ELF1: variants seen among roughly 807,000 people sequenced by gnomAD.
ELF1 encodes the protein E74 like ETS transcription factor 1.
ELF1 carries 24 observed loss-of-function variants against 59.9 expected under a neutral mutation model. The observed-to-expected ratio is 0.40, with a 90% CI of 0.29 to 0.56. The LOEUF (loss-of-function observed/expected upper bound fraction) is 0.56, where lower values mean the gene tolerates loss of function less well. Among genes scored for constraint, ELF1 ranks in the 20% least tolerant of loss-of-function variants. The pLI is 0.44. For missense variants in ELF1, 627 were observed against 742.2 expected (o/e 0.84, Z 1.80); for synonymous variants, 248 against 266.2 (o/e 0.93, Z 0.67).
intron 1 of ELF1, among the ~76,000 whole-genome samples, chr13:41,029,570 C>T (rs1387078280): frequency 2.0e-5 from 3 of 151,916 alleles, no homozygotes; most frequent in Admixed American, 6.6e-5. Context: ...TCTGGAGAGA[C>T]GAGGTTTTGC....
chr13:41,047,627 C>G (rs533541457), intron 1 of ELF1, among the ~76,000 whole-genome samples: 4 of 152,210 alleles, frequency 2.6e-5, no homozygotes, highest in Non-Finnish European at 5.9e-5. Context: ...GCTGCCTGAT[C>G]ATTCCTCTGG....
chr13:41,019,320 G>A (rs551307428), upstream of ELF1: 4 of 985,320 alleles, frequency 4.1e-6, no homozygotes, highest in African/African-American at 5.2e-5. Context: ...GTAGATTGGG[G>A]AAGTGGTGTC....
intron 1 of ELF1, among the ~76,000 whole-genome samples, chr13:41,016,442 G>T (rs564148787): frequency 6.6e-6 from 1 of 152,110 alleles, no homozygotes; most frequent in African/African-American, 2.4e-5. Context: ...AGGAGGAGAA[G>T]ATGTGACAAA....
At chr13:41,041,730 G>A (rs2138421076) in intron 1 of ELF1, among the ~76,000 whole-genome samples, 1 of 152,232 alleles carries the variant, frequency 6.6e-6, no homozygotes, top group Middle Eastern at 3.4e-3. Context: ...CCATAGATCA[G>A]ATGCACCAGA....
rs1869551799 is a variant in ELF1, at chr13:40,933,560, T to C, written c.1725A>G (p.Glu575=). The C allele has an allele frequency of 6.2e-7, 1 of 1,614,148 alleles. No individual in the cohort carries two copies. Among genetic ancestry groups the C allele is most frequent in the Non-Finnish European group, 8.5e-7 (1 of 1,180,046 alleles). ...TCTCAGTGTTCTCTTTCAAATGATCTTCAGATTCCTTTTTCTCTACTTCCT... is the reference window on the plus strand; with the variant it reads ...TCTCAGTGTTCTCTTTCAAATGATCCTCAGATTCCTTTTTCTCTACTTCCT... The part of the protein sequence containing the change: ...LTQEVEKKES[E]DHLKENTEKT... The change falls in exon 9 of 9, where the codon GAA becomes GAG. Residue 575 remains glutamate, a synonymous_variant. Transcript: ENST00000239882.
rs139979057 is a variant in ELF1 at position 40,979,165 on chromosome 13, TTC to T, written c.72+2816_72+2817del. On this transcript the variant is annotated intron_variant, in intron 2 of 8. Transcript: ENST00000239882. ...TTTATATTTTTAGTAAGCTCAGTAA[TTC>T]TGTTTTTAATAACCCTACAGATATA... Among the ~76,000 whole-genome samples the T allele has an allele frequency of 2.7e-3, 411 of 151,978 alleles. 7 individuals carry two copies. The East Asian group carries it at 0.053, about 19-fold the overall frequency.
rs1205616938 is a variant in ELF1, at chr13:40,985,961, C to T, written c.-228-3679G>A. ...TACTTCTTCATCACACAGACATAAG[C>T]GGTCAACTTATTTGCACAGTTTTCA... is the stretch of plus-strand genomic sequence containing the variant. On this transcript the variant is annotated intron_variant, in intron 1 of 8. Coordinates refer to ENST00000239882, the MANE Select transcript of ELF1 (RefSeq NM_172373.4). Among the ~76,000 whole-genome samples, 4 of 152,022 alleles carry T rather than the reference C, an allele frequency of 2.6e-5. No individual in the cohort carries two copies. The South Asian group carries it at 8.3e-4, about 32-fold the overall frequency.
chr13:41,003,722 T>A (rs547439189), intron 1 of ELF1, among the ~76,000 whole-genome samples: 1 of 152,286 alleles, frequency 6.6e-6, no homozygotes, highest in South Asian at 2.1e-4. Flanking sequence ...TGGCTAGACA[T>A]TTTTTCCAGA....
At position 40,962,520 on chromosome 13, in the gene ELF1, T is replaced by C. The variant is rs540536619; in HGVS notation, c.73-3504A>G. 1.4e-4 allele frequency among the ~76,000 whole-genome samples: 21 copies of C among 151,238 alleles called. 1 individual carries two copies. In the South Asian group the frequency reaches 4.2e-3, roughly 30 times the overall value. ...CAACACGGTGAAACCTTGTCTTTACTAAAAAAATACAAAAAATGAGCCAGT... is the reference window on the plus strand; with the variant it reads ...CAACACGGTGAAACCTTGTCTTTACCAAAAAAATACAAAAAATGAGCCAGT... On this transcript the variant is annotated intron_variant, in intron 2 of 8. Coordinates refer to ENST00000239882, the MANE Select transcript of ELF1 (RefSeq NM_172373.4).
At chr13:40,956,317 G>A (rs1446906215) in intron 3 of ELF1, among the ~76,000 whole-genome samples, 6 of 152,022 alleles carry the variant, frequency 3.9e-5, no homozygotes, top group Non-Finnish European at 7.4e-5. Context: ...TCCACTCAGG[G>A]TTGAATGGAT....
chr13:40,986,937 C>CTTTT lies in ELF1; in HGVS notation c.-228-4659_-228-4656dup, dbSNP rs1555276215. Among the ~76,000 whole-genome samples, 306 of 126,770 alleles carry CTTTT rather than the reference C, an allele frequency of 2.4e-3. 13 individuals carry two copies. The highest frequency in any genetic ancestry group is 4.5e-3 in the Middle Eastern group (1 of 222). 83.2% of individuals were successfully genotyped at this position (126,770 alleles called of 152,430 possible). A position where few individuals can be genotyped will look rare whatever the true frequency, so the allele number is the denominator to read the frequency against. ...AATATATTTTTAGAAAATCATTGCT[C>CTTTT]TTTTTTTTTTTTTTTTTTGAGTGGG... On this transcript the variant is annotated intron_variant, in intron 1 of 8. Transcript: ENST00000239882.
chr13:40,988,818 T>C (rs1473659748), intron 1 of ELF1, among the ~76,000 whole-genome samples: 2 of 152,234 alleles, frequency 1.3e-5, no homozygotes, highest in Admixed American at 6.5e-5. Context: ...TTTTTCTTTT[T>C]GAGACAGAGT....
At chr13:41,022,603 A>C (rs1875729768), upstream of ELF1, among the ~76,000 whole-genome samples, 1 of 152,224 alleles carries the variant, frequency 6.6e-6, no homozygotes, top group South Asian at 2.1e-4. Context: ...AATCTAGGCC[A>C]GGCACGTTGG....
At chr13:41,023,155 A>C (rs1050134291), upstream of ELF1, among the ~76,000 whole-genome samples, 1 of 152,218 alleles carries the variant, frequency 6.6e-6, no homozygotes, top group African/African-American at 2.4e-5. Flanking sequence ...TTAAATGCCA[A>C]CTAAATTTCA....
chr13:40,978,948 T>C (rs776888783), intron 2 of ELF1, among the ~76,000 whole-genome samples: 3 of 152,016 alleles, frequency 2.0e-5, no homozygotes, highest in Non-Finnish European at 4.4e-5. Flanking sequence ...GCTTGTTACA[T>C]AGGTGAGGCT....
chr13:40,949,314 T>C (rs1870699275), intron 5 of ELF1, among the ~76,000 whole-genome samples: 1 of 151,886 alleles, frequency 6.6e-6, no homozygotes, highest in African/African-American at 2.4e-5. Flanking sequence ...AAAGAAATGA[T>C]TCTACTATGA....
In ELF1 at chr13:40,959,109, T is replaced by A; in HGVS notation, c.73-93A>T. 3.5e-6 allele frequency: 5 copies of A among 1,435,606 alleles called. No individual in the cohort carries two copies. The South Asian group carries it at 6.0e-5, about 17-fold the overall frequency. 88.9% of individuals were successfully genotyped at this position (1,435,606 alleles called of 1,614,324 possible). On this transcript the variant is annotated intron_variant, in intron 2 of 8. Transcript: ENST00000239882. Reference sequence around the variant, plus strand: ...GCTCAAAACTATTTTATACTAGCCATCAATTTAATTTTTAGATCATCAGGC... The same window carrying A: ...GCTCAAAACTATTTTATACTAGCCAACAATTTAATTTTTAGATCATCAGGC...
chr13:40,999,176 T>C (rs118056172), intron 1 of ELF1, among the ~76,000 whole-genome samples: 1 of 152,340 alleles, frequency 6.6e-6, no homozygotes, highest in African/African-American at 2.4e-5. Flanking sequence ...AGATAATGCA[T>C]GGCCCTTGTT....
chr13:40,957,839 T>G (rs574908329), intron 3 of ELF1, among the ~76,000 whole-genome samples: 2 of 152,360 alleles, frequency 1.3e-5, no homozygotes, highest in South Asian at 2.1e-4. Flanking sequence ...GATACAGTCA[T>G]TCTACCTTTC....
Sources: allele counts gnomAD v4.1 joint callset (sites outside exome capture counted in the v4.1 genomes callset), GRCh38; gene constraint gnomAD v4.1.1; transcripts MANE v1.5; gene names NCBI Gene and HGNC (gene_info 2026-07-23, HGNC 2026-07-21).